VSIG4: variants seen among roughly 807,000 people sequenced by gnomAD.
The protein encoded by VSIG4 is V-set and immunoglobulin domain containing 4.
Under a neutral mutation model 23.4 loss-of-function variants are expected in VSIG4, and 34 were observed. The ratio of observed to expected loss-of-function variants is 1.45; its 90% CI spans 1.10 to 1.93. The LOEUF (loss-of-function observed/expected upper bound fraction) is 1.93. Among genes scored for constraint, VSIG4 ranks in the 30% most tolerant of loss-of-function variants. The pLI is 0.00. For synonymous variants in VSIG4, 169 were observed against 120.3 expected, an observed-to-expected ratio of 1.41 and a Z score of -2.65; for missense variants, 433 against 310.8, an observed-to-expected ratio of 1.39 and a Z score of -2.96.
chrX:66,025,105 A>G lies in VSIG4; in HGVS notation c.860T>C (p.Ile287Thr), dbSNP rs769397587. 1 of 1,202,786 alleles carries G rather than the reference A, an allele frequency of 8.3e-7. No individual in the cohort carries two copies. The highest frequency in any genetic ancestry group is 1.1e-6 in the Non-Finnish European group (1 of 890,885). ...GPGKSLPVFA[I>T]ILIISLCCMV... ...ACAGCACAAGGAGATGATGAGGATG[A>G]TGGCAAAGACAGGCAGGCTCTTTCC... The change falls in exon 6 of 8, where the codon ATC (isoleucine) becomes ACC (threonine). Residue 287 changes from isoleucine to threonine, a missense_variant. Physicochemically the swap from Ile to Thr is moderately conservative, Grantham distance 89 (BLOSUM62 -1). Coordinates refer to ENST00000374737, the MANE Select transcript of VSIG4 (RefSeq NM_007268.3).
At chrX:66,033,371 C>A (rs1602105768) in intron 2 of VSIG4, 103 bp downstream of exon 2, 4 of 717,135 alleles carry the variant, frequency 5.6e-6, no homozygotes, top group East Asian at 6.4e-5. Context: ...TGTGGAGAGC[C>A]TCTGTATAAA....
intron 6 of VSIG4, among the ~76,000 whole-genome samples, 159 bp downstream of exon 6, chrX:66,024,866 G>T (rs1438974067): frequency 8.9e-6 from 1 of 111,746 alleles, no homozygotes; most frequent in Non-Finnish European, 1.9e-5. Flanking sequence ...GCCATTGTTT[G>T]CTCGAACATC....
intron 6 of VSIG4, among the ~76,000 whole-genome samples, chrX:66,024,404 AC>A (rs1324469826): frequency 1.8e-5 from 2 of 111,690 alleles, no homozygotes; most frequent in African/African-American, 6.5e-5. Flanking sequence ...TTCCCACTGT[AC>A]TTCCCTGTTG....
At chrX:66,028,559 T>C (rs1192215392) in intron 3 of VSIG4, among the ~76,000 whole-genome samples, 1 of 42,986 alleles carries the variant, frequency 2.3e-5, no homozygotes. Flanking sequence ...CGTAATCAAC[T>C]TTTTTTTTTT....
intron 3 of VSIG4, 100 bp downstream of exon 3, chrX:66,032,368 C>T: frequency 9.8e-7 from 1 of 1,025,217 alleles, no homozygotes; most frequent in Non-Finnish European, 1.3e-6. Flanking sequence ...TGCTTGGGAT[C>T]CTCCTCTCCC....
intron 3 of VSIG4, among the ~76,000 whole-genome samples, chrX:66,028,507 A>C (rs972670154): frequency 9.1e-6 from 1 of 109,372 alleles, no homozygotes; most frequent in East Asian, 2.8e-4. Flanking sequence ...ACCTCCAGAA[A>C]TTTACCCTTT....
chrX:66,025,478 C>A (rs2085379619), intron 5 of VSIG4, among the ~76,000 whole-genome samples: 1 of 112,063 alleles, frequency 8.9e-6, no homozygotes, highest in Non-Finnish European at 1.9e-5. Flanking sequence ...TGCTACATAC[C>A]TTATTAAGAT....
intron 1 of VSIG4, among the ~76,000 whole-genome samples, chrX:66,035,908 G>C (rs1037321302): frequency 8.9e-6 from 1 of 112,104 alleles, no homozygotes. Flanking sequence ...TCTGACCTTA[G>C]GGGAGCTGAA....
chrX:66,033,940 T>G, intron 1 of VSIG4, 110 bp from the exon 2 acceptor site: 7 of 599,741 alleles, frequency 1.2e-5, no homozygotes, highest in Non-Finnish European at 1.6e-5. Flanking sequence ...CACTCAACTT[T>G]CTTTCTATCA....
At chrX:66,024,479 C>T (rs910062552) in intron 6 of VSIG4, among the ~76,000 whole-genome samples, 3 of 112,006 alleles carry the variant, frequency 2.7e-5, no homozygotes, top group African/African-American at 9.7e-5. Flanking sequence ...GCCCTAACAA[C>T]TATGCTGATG....
At chrX:66,022,762 C>A in intron 7 of VSIG4, 79 bp downstream of exon 7, 2 of 1,208,201 alleles carry the variant, frequency 1.7e-6, no homozygotes, top group Non-Finnish European at 2.2e-6. Flanking sequence ...CCACACCCCC[C>A]TTCCTCCACA....
intron 7 of VSIG4, 45 bp from the exon 8 acceptor site, chrX:66,022,545 G>C: frequency 2.5e-6 from 3 of 1,193,785 alleles, no homozygotes; most frequent in East Asian, 3.0e-5. Context: ...ACTTGGGGCT[G>C]TGGTCCTGGT....
Position 66,021,965 on chromosome X carries a change from T to C in VSIG4, c.*298A>G. 4 of 920,120 alleles carry C rather than the reference T, an allele frequency of 4.3e-6. No individual in the cohort carries two copies. The highest frequency in any genetic ancestry group is 6.0e-6 in the Non-Finnish European group (4 of 667,123). The allele number at this position is 920,120 out of a possible 1,213,427, so 75.8% of individuals were successfully genotyped here. On this transcript the variant is annotated 3_prime_UTR_variant, in exon 8 of 8. Coordinates refer to ENST00000374737, the MANE Select transcript of VSIG4 (RefSeq NM_007268.3). ...CAAGATGCCAAAGTTGAATAGTGTC[T>C]GTAGGCATGATGACCAAGTCCTAGT... is the stretch of plus-strand genomic sequence containing the variant.
chrX:66,029,425 T>C (rs765326598), intron 3 of VSIG4, among the ~76,000 whole-genome samples: 7 of 111,267 alleles, frequency 6.3e-5, no homozygotes, highest in African/African-American at 2.3e-4. Flanking sequence ...AGTGTCTTCT[T>C]TGTGCCAGAT....
chrX:66,036,595 A>G (rs1343548801), intron 1 of VSIG4, among the ~76,000 whole-genome samples: 1 of 85,886 alleles, frequency 1.2e-5, no homozygotes, highest in Non-Finnish European at 2.2e-5. Context: ...AAGTAATATT[A>G]TAATATAATA....
rs1203944600 is a variant in VSIG4, at chrX:66,025,028, G to T, written c.937C>A (p.Gln313Lys). Reference sequence around the variant, plus strand: ...CCTTCTCATATTCATCACTAACCTTGTTGGGATGTCTTCCGACAGAGCATG... The same window carrying T: ...CCTTCTCATATTCATCACTAACCTTTTTGGGATGTCTTCCGACAGAGCATG... Reference protein sequence around the residue: ...YIMLCRKTSQQEHVYEAARAH... With the variant: ...YIMLCRKTSQKEHVYEAARAH... The change falls in exon 6 of 8, where the codon CAA becomes AAA. Residue 313 changes from glutamine (Q) to lysine (K), a missense_variant. Physicochemically the swap from Gln to Lys is moderately conservative, Grantham distance 53. Transcript: ENST00000374737. 5 of 1,184,677 alleles carry T rather than the reference G, an allele frequency of 4.2e-6. No homozygotes were observed. The highest frequency in any genetic ancestry group is 5.7e-6 in the Non-Finnish European group (5 of 879,088).
Position 66,022,270 on chromosome X carries a change from AC to A in VSIG4, c.1192del (p.Val398SerfsTer14). The A allele has an allele frequency of 8.3e-7, 1 of 1,211,993 alleles. No homozygotes were observed. The highest frequency in any genetic ancestry group is 1.1e-6 in the Non-Finnish European group (1 of 895,523). On this transcript the variant is annotated frameshift_variant, in exon 8 of 8. Transcript: ENST00000374737. LOFTEE classifies it high-confidence loss of function. ...YEFLATEGKSVC is the reference protein window; with the variant it reads ...YEFLATEGKSXC ...TGGCCTAATGGGGCATTTTTAACAG[AC>A]ACTTTTGCCCTCAGTGGCCAGAAAC... is the stretch of plus-strand genomic sequence containing the variant.
At chrX:66,024,620 A>G (rs2085368680) in intron 6 of VSIG4, among the ~76,000 whole-genome samples, 1 of 111,732 alleles carries the variant, frequency 8.9e-6, no homozygotes, top group African/African-American at 3.3e-5. Context: ...TCTCCTCTGG[A>G]TCCCTTTAGC....
rs141926571 is a variant in VSIG4 at position 66,027,520 on chromosome X, G to C, written c.764C>G (p.Ser255Cys). 6 of 1,192,075 alleles carry C rather than the reference G, an allele frequency of 5.0e-6. No individual in the cohort carries two copies. The highest frequency in any genetic ancestry group is 6.8e-6 in the Non-Finnish European group (6 of 882,021). ...CCAGTCCCAGGACTGCTTCACTGTA[G>C]ATGTTGCTATGAATATAGAGAATAG... The part of the protein sequence containing the change: ...TTMTYPLKAT[S>C]TVKQSWDWTT... The change falls in exon 5 of 8, where the codon TCT becomes TGT. Residue 255 changes from serine to cysteine, a missense_variant. Physicochemically the swap from Ser to Cys is moderately radical, Grantham distance 112 (BLOSUM62 -1). Transcript: ENST00000374737.
Sources: allele counts gnomAD v4.1 joint callset (sites outside exome capture counted in the v4.1 genomes callset), GRCh38; gene constraint gnomAD v4.1.1; transcripts MANE v1.5; gene names NCBI Gene and HGNC (gene_info 2026-07-23, HGNC 2026-07-21).